The following MAST2 variants were observed in gnomAD, a reference collection of about 807,000 sequenced individuals.
MAST2 encodes microtubule associated serine/threonine kinase 2.
A neutral mutation model predicts 147.4 loss-of-function variants in MAST2; 70 were observed. The observed-to-expected ratio is 0.47, with a 90% CI of 0.39 to 0.58. The LOEUF is 0.58. MAST2 is among the 20% of genes least tolerant of loss of function. The pLI is 0.00. For missense variants in MAST2, 2,080 were observed against 2,302.3 expected (o/e 0.90, Z 1.98); for synonymous variants, 869 against 896.8 (o/e 0.97, Z 0.55).
chr1:45,809,624 C>T (rs979069930), intron 1 of MAST2, among the ~76,000 whole-genome samples: 4 of 152,078 alleles, frequency 2.6e-5, no homozygotes, highest in East Asian at 1.9e-4. Flanking sequence ...AGAATGAGAC[C>T]GTGTCTCGTA....
At chr1:46,032,079 G>A in intron 24 of MAST2, 99 bp from the exon 25 acceptor site, 1 of 921,034 alleles carries the variant, frequency 1.1e-6, no homozygotes, top group Non-Finnish European at 1.8e-6. Context: ...CTAGGCTCAG[G>A]CTCTGTCTGT....
At chr1:45,886,251 A>G (rs1226406707) in intron 4 of MAST2, among the ~76,000 whole-genome samples, 2 of 148,078 alleles carry the variant, frequency 1.4e-5, no homozygotes, top group African/African-American at 2.5e-5. Context: ...ATATTTATAT[A>G]CTTATATAAG....
intron 5 of MAST2, among the ~76,000 whole-genome samples, chr1:45,982,718 A>G (rs1490532656): frequency 3.9e-5 from 6 of 152,210 alleles, no homozygotes; most frequent in Non-Finnish European, 8.8e-5. Flanking sequence ...GAGGGCTGTG[A>G]GTACTCCCTG....
At chr1:45,880,670 C>T (rs886348355) in intron 3 of MAST2, among the ~76,000 whole-genome samples, 5 of 151,796 alleles carry the variant, frequency 3.3e-5, no homozygotes, top group Non-Finnish European at 7.4e-5. Context: ...AAAAATAAGG[C>T]ATATTAAACT....
intron 3 of MAST2, among the ~76,000 whole-genome samples, chr1:45,836,232 A>C (rs1469629136): frequency 6.6e-6 from 1 of 152,184 alleles, no homozygotes; most frequent in Non-Finnish European, 1.5e-5. Context: ...TGAGGGTTCC[A>C]GTTTCACTGC....
At chr1:45,846,532 A>G (rs1240135072) in intron 3 of MAST2, among the ~76,000 whole-genome samples, 1 of 152,096 alleles carries the variant, frequency 6.6e-6, no homozygotes, top group Non-Finnish European at 1.5e-5. Context: ...TTTAAAATAA[A>G]TATCATAGGC....
intron 4 of MAST2, among the ~76,000 whole-genome samples, chr1:45,913,407 T>C (rs1442973082): frequency 6.6e-6 from 1 of 152,236 alleles, no homozygotes; most frequent in Non-Finnish European, 1.5e-5. Context: ...GTTTTCAAGT[T>C]GCTATGTATA....
At chr1:45,993,885 A>G (rs1488895519) in intron 5 of MAST2, among the ~76,000 whole-genome samples, 1 of 152,132 alleles carries the variant, frequency 6.6e-6, no homozygotes, top group African/African-American at 2.4e-5. Flanking sequence ...GAGTTCAGTA[A>G]TTCACTAGAA....
chr1:45,848,086 T>A (rs1005650489), intron 3 of MAST2, among the ~76,000 whole-genome samples: 2 of 152,230 alleles, frequency 1.3e-5, no homozygotes, highest in Non-Finnish European at 2.9e-5. Context: ...TTGCAATATG[T>A]CTTATCTATA....
chr1:45,978,537 C>T (rs1311898342), intron 5 of MAST2, among the ~76,000 whole-genome samples: 1 of 151,904 alleles, frequency 6.6e-6, no homozygotes, highest in Admixed American at 6.6e-5. Context: ...AAAGAAAATG[C>T]AAAATAAAAT....
In MAST2 at chr1:46,010,866, A is replaced by G. The variant is rs1263995272; in HGVS notation, c.1115A>G (p.Lys372Arg). ...GAGATGGCCCGAGACTGCCTGGATA[A>G]ATCTCGGAGTGGCCTCATTACATCA... ...VIEMARDCLD[K>R]SRSGLITSQY... Residue 372 changes from lysine to arginine, a missense_variant, in exon 10 of 29, where the codon AAA (lysine) becomes AGA (arginine). Coordinates refer to ENST00000361297, the MANE Select transcript of MAST2 (RefSeq NM_015112.3). 6.2e-7 allele frequency: 1 copy of G among 1,614,238 alleles called. No individual in the cohort carries two copies. The highest frequency in any genetic ancestry group is 2.2e-5 in the East Asian group (1 of 44,876).
intron 4 of MAST2, among the ~76,000 whole-genome samples, chr1:45,944,358 T>C (rs540035938): frequency 1.3e-5 from 2 of 152,220 alleles, no homozygotes; most frequent in Non-Finnish European, 2.9e-5. Context: ...ATTCCTACCA[T>C]CCTTGATTTT....
intron 4 of MAST2, among the ~76,000 whole-genome samples, chr1:45,912,835 T>G (rs1651886359): frequency 6.6e-6 from 1 of 152,240 alleles, no homozygotes. Flanking sequence ...AGGGCAAGAC[T>G]TACAGTAATA....
rs1434965378 is a variant in MAST2 at position 46,023,358 on chromosome 1, G to A, written c.1571+40G>A. The A allele has an allele frequency of 1.1e-5, 17 of 1,577,204 alleles. No individual in the cohort carries two copies. The African/African-American group carries it at 2.2e-4, about 20-fold the overall frequency. On this transcript the variant is annotated intron_variant, in intron 14 of 28. Transcript: ENST00000361297. The surrounding 1 kb of genome is among the most constrained non-coding windows in gnomAD (Gnocchi z 4.9). ...CAGGGTGTGGCCAGGACTGAAGCCGGGTCAGCCTTTGATCTCTTCCATGTG... is the reference window on the plus strand; with the variant it reads ...CAGGGTGTGGCCAGGACTGAAGCCGAGTCAGCCTTTGATCTCTTCCATGTG...
chr1:46,012,111 AT>A (rs1216284351), intron 10 of MAST2, among the ~76,000 whole-genome samples: 65 of 152,238 alleles, frequency 4.3e-4, no homozygotes, highest in Admixed American at 9.2e-4. Flanking sequence ...TCCCATGAAA[AT>A]CACTGGTAGC....
intron 3 of MAST2, among the ~76,000 whole-genome samples, chr1:45,855,763 A>G (rs964050474): frequency 6.6e-5 from 10 of 152,110 alleles, no homozygotes; most frequent in Non-Finnish European, 1.0e-4. Flanking sequence ...GAGCATTTCT[A>G]CATAGGCAAT....
At chr1:45,811,373 C>A (rs1644292971) in intron 1 of MAST2, among the ~76,000 whole-genome samples, 1 of 143,286 alleles carries the variant, frequency 7.0e-6, no homozygotes, top group African/African-American at 2.6e-5. Flanking sequence ...GAGTCACGCT[C>A]TGTCGCCCAG....
intron 4 of MAST2, among the ~76,000 whole-genome samples, chr1:45,892,791 GCAA>G (rs1648050486): frequency 6.6e-6 from 1 of 152,146 alleles, no homozygotes; most frequent in Non-Finnish European, 1.5e-5. Context: ...TAAGAATAAT[GCAA>G]CTAACAAGGA....
intron 1 of MAST2, among the ~76,000 whole-genome samples, chr1:45,816,209 GAGAGAGAGAGAA>G (rs955822631): frequency 1.1e-4 from 15 of 136,478 alleles, no homozygotes; most frequent in Admixed American, 2.3e-4. Flanking sequence ...GTGGGGGGGA[GAGAGAGAGAGAA>G]AGAGAGAGAG....
Sources: gnomAD v4.1 joint callset for allele counts (sites outside exome capture counted in the v4.1 genomes callset) on GRCh38, gnomAD v4.1.1 for gene constraint, Gnocchi (gnomAD v3.1) non-coding constraint, MANE v1.5 for transcripts, NCBI Gene and HGNC (gene_info 2026-07-23, HGNC 2026-07-21) for gene names.